The following ADARB1 variants were observed in gnomAD, a reference collection of about 807,000 sequenced individuals.
ADARB1 encodes the protein double-stranded RNA-specific editase 1.
ADARB1 carries 10 observed loss-of-function variants against 52.4 expected under a neutral mutation model. The observed-to-expected ratio is 0.19, with a 90% CI of 0.12 to 0.32. ADARB1 has a LOEUF of 0.32. ADARB1 is among the 10% of genes least tolerant of loss of function. The pLI is 1.00. For synonymous variants in ADARB1, 349 were observed against 371.1 expected (o/e 0.94, Z 0.68); for missense variants, 643 against 922.3 (o/e 0.70, Z 3.92).
chr21:45,213,042 C>T (rs2092799073), intron 9 of ADARB1, among the ~76,000 whole-genome samples: 1 of 152,130 alleles, frequency 6.6e-6, no homozygotes, highest in Non-Finnish European at 1.5e-5. Flanking sequence ...CCTCATGGAG[C>T]TTTTGCTCTG....
chr21:45,164,945 C>T (rs1017361355), intron 2 of ADARB1, among the ~76,000 whole-genome samples: 4 of 152,052 alleles, frequency 2.6e-5, no homozygotes, highest in Non-Finnish European at 4.4e-5. Context: ...ATGGCTGCAG[C>T]GAGGTGACAG....
At chr21:45,154,981 A>G (rs576179170) in intron 2 of ADARB1, among the ~76,000 whole-genome samples, 1 of 152,284 alleles carries the variant, frequency 6.6e-6, no homozygotes, top group South Asian at 2.1e-4. Context: ...GAGGGGAGAG[A>G]GATGGGAACA....
Position 45,185,044 on chromosome 21 carries a change from G to A in ADARB1, c.1518G>A (p.Leu506=). Residue 506 remains leucine (L), a synonymous_variant, in exon 8 of 11, where the codon CTG becomes CTA. Coordinates refer to ENST00000348831, the MANE Select transcript of ADARB1 (RefSeq NM_001112.4). ...NASIQTWDGV[L]QGERLLTMSC... Reference sequence around the variant, plus strand: ...GCATCCAAACGTGGGACGGGGTGCTGCAAGGGGAGCGGCTGCTCACCATGT... The same window carrying A: ...GCATCCAAACGTGGGACGGGGTGCTACAAGGGGAGCGGCTGCTCACCATGT... 6.2e-7 allele frequency: 1 copy of A among 1,614,228 alleles called. No homozygotes were observed. Among genetic ancestry groups the A allele is most frequent in the Non-Finnish European group, 8.5e-7 (1 of 1,180,026 alleles).
chr21:45,225,012 T>A lies in ADARB1; in HGVS notation c.*2815T>A, dbSNP rs1367852888. 1 of 985,466 alleles carries A rather than the reference T, an allele frequency of 1.0e-6. No homozygotes were observed. The highest frequency in any genetic ancestry group is 1.2e-6 in the Non-Finnish European group (1 of 830,004). The allele number at this position is 985,466 out of a possible 1,614,324, so 61.0% of individuals were successfully genotyped here. A position where few individuals can be genotyped will look rare whatever the true frequency, so the allele number is the denominator to read the frequency against. The stretch of plus-strand genomic sequence containing the variant: ...CGACACAAGCAGGAACTTGATTTTT[T>A]AAGAAAAAATATTACATTTTGAGGA... On this transcript the variant is annotated 3_prime_UTR_variant, in exon 11 of 11. Coordinates refer to ENST00000348831, the MANE Select transcript of ADARB1 (RefSeq NM_001112.4).
intron 8 of ADARB1, among the ~76,000 whole-genome samples, chr21:45,187,033 G>T (rs761464339): frequency 6.6e-6 from 1 of 152,122 alleles, no homozygotes; most frequent in Non-Finnish European, 1.5e-5. Flanking sequence ...ATTTCATAAA[G>T]ATTTTTGGAT....
At chr21:45,127,120 C>T (rs561866970) in intron 1 of ADARB1, among the ~76,000 whole-genome samples, 5 of 152,290 alleles carry the variant, frequency 3.3e-5, no homozygotes, top group East Asian at 3.9e-4. Context: ...CATGCTCACT[C>T]GGGGCCCTTG....
At chr21:45,137,497 G>A (rs982601110) in intron 2 of ADARB1, among the ~76,000 whole-genome samples, 19 of 152,320 alleles carry the variant, frequency 1.2e-4, no homozygotes, top group Non-Finnish European at 2.6e-4. Flanking sequence ...GGTGTGCCAG[G>A]AGCTTTGTGC....
Position 45,220,913 on chromosome 21 carries a change from A to C in ADARB1, c.1825A>C (p.Ile609Leu). The change falls in exon 10 of 11, where the codon ATT (isoleucine) becomes CTT (leucine). Residue 609 changes from isoleucine to leucine, a missense_variant. Physicochemically the swap from Ile to Leu is conservative, Grantham distance 5 (BLOSUM62 2). This residue lies in a region of ADARB1 where 263 missense variants were observed against 475.8 expected (regional missense o/e 0.55). Transcript: ENST00000348831. This position sits in a 1 kb window ranked among gnomAD's most constrained non-coding sequence, Gnocchi z 6.3. Reference protein sequence around the residue: ...SVNWTVGDSAIEVINATTGKD... With the variant: ...SVNWTVGDSALEVINATTGKD... Reference sequence around the variant, plus strand: ...CAACTGGACGGTAGGCGACTCCGCTATTGAGGTCATCAACGCCACGACTGG... The same window carrying C: ...CAACTGGACGGTAGGCGACTCCGCTCTTGAGGTCATCAACGCCACGACTGG... The C allele has an allele frequency of 6.2e-7, 1 of 1,613,440 alleles. No homozygotes were observed. The highest frequency in any genetic ancestry group is 8.5e-7 in the Non-Finnish European group (1 of 1,180,018).
At chr21:45,205,407 T>C (rs758429147) in intron 9 of ADARB1, among the ~76,000 whole-genome samples, 1 of 152,246 alleles carries the variant, frequency 6.6e-6, no homozygotes, top group Non-Finnish European at 1.5e-5. Context: ...CTGAAAATTA[T>C]GTCAGCATTG....
At chr21:45,127,033 G>A (rs1302029451) in intron 1 of ADARB1, among the ~76,000 whole-genome samples, 1 of 152,208 alleles carries the variant, frequency 6.6e-6, no homozygotes, top group Non-Finnish European at 1.5e-5. Flanking sequence ...AAAGCTTCTA[G>A]AATGGATTTT....
rs931692480 is a variant in ADARB1, at chr21:45,184,816, A to G, written c.1397-107A>G. The G allele has an allele frequency of 4.3e-5, 53 of 1,241,236 alleles. No individual in the cohort carries two copies. The African/African-American group carries it at 5.6e-4, about 13-fold the overall frequency. The allele number at this position is 1,241,236 out of a possible 1,614,324, so 76.9% of individuals were successfully genotyped here. Reference sequence around the variant, plus strand: ...GTATGGCATAAACATATGCATTTATATGCACAGACTGTATTTTAAATTTAT... The same window carrying G: ...GTATGGCATAAACATATGCATTTATGTGCACAGACTGTATTTTAAATTTAT... On this transcript the variant is annotated intron_variant, in intron 7 of 10. Transcript: ENST00000348831.
intron 9 of ADARB1, among the ~76,000 whole-genome samples, chr21:45,206,271 G>GTT (rs1426138081): frequency 6.6e-6 from 1 of 152,200 alleles, no homozygotes; most frequent in African/African-American, 2.4e-5. Context: ...GGACACATAG[G>GTT]TGATACTCAA....
intron 1 of ADARB1, among the ~76,000 whole-genome samples, chr21:45,077,276 A>T (rs1474923123): frequency 6.6e-6 from 1 of 152,240 alleles, no homozygotes; most frequent in Non-Finnish European, 1.5e-5. Flanking sequence ...AAAGAAATAG[A>T]TGAAGTTACA....
chr21:45,196,993 A>G (rs563389413), intron 8 of ADARB1, among the ~76,000 whole-genome samples: 5 of 152,274 alleles, frequency 3.3e-5, no homozygotes, highest in African/African-American at 1.2e-4. Context: ...GGAGTTCGAA[A>G]CCAGCCTGGC....
intron 2 of ADARB1, among the ~76,000 whole-genome samples, chr21:45,165,408 G>A (rs1365405229): frequency 1.3e-5 from 2 of 151,946 alleles, no homozygotes; most frequent in African/African-American, 4.8e-5. Flanking sequence ...CTTTTGCATT[G>A]CACTAGAAAA....
intron 1 of ADARB1, among the ~76,000 whole-genome samples, chr21:45,086,639 G>A (rs1001155610): frequency 1.3e-5 from 2 of 152,212 alleles, no homozygotes; most frequent in African/African-American, 2.4e-5. Flanking sequence ...GGGTTCATCC[G>A]TGTGTTGTAG....
intron 3 of ADARB1, among the ~76,000 whole-genome samples, chr21:45,174,575 C>T (rs565613379): frequency 2.7e-4 from 41 of 152,056 alleles, no homozygotes; most frequent in African/African-American, 8.7e-4. Context: ...TGGTAGCCCA[C>T]GCCTGTAGTC....
intron 2 of ADARB1, among the ~76,000 whole-genome samples, chr21:45,131,860 A>G (rs545263990): frequency 6.6e-6 from 1 of 152,032 alleles, no homozygotes; most frequent in African/African-American, 2.4e-5. Context: ...CTGTGTGCTG[A>G]CCTCTGTCCT....
chr21:45,112,798 A>T (rs552490203), intron 1 of ADARB1, among the ~76,000 whole-genome samples: 1 of 152,250 alleles, frequency 6.6e-6, no homozygotes, highest in African/African-American at 2.4e-5. Flanking sequence ...CCAAGATGAC[A>T]TGTGATAACG....
Sources: gnomAD v4.1 joint callset for allele counts (sites outside exome capture counted in the v4.1 genomes callset) on GRCh38, gnomAD v4.1.1 for gene constraint, gnomAD v4.1.1 regional missense constraint, Gnocchi (gnomAD v3.1) non-coding constraint, MANE v1.5 for transcripts, NCBI Gene and HGNC (gene_info 2026-07-23, HGNC 2026-07-21) for gene names.